Variants in FKBP3 observed in about 807,000 individuals in gnomAD.
FKBP3 encodes the protein FKBP prolyl isomerase 3.
A neutral mutation model predicts 30.6 loss-of-function variants in FKBP3; 21 were observed. The ratio of observed to expected loss-of-function variants is 0.69; its 90% CI spans 0.49 to 0.99. The LOEUF (loss-of-function observed/expected upper bound fraction) is 0.99, where lower values mean the gene tolerates loss of function less well. Ranked by LOEUF, FKBP3 falls within the 50% of genes least tolerant of loss-of-function variation. The pLI, the probability that FKBP3 is intolerant of heterozygous loss-of-function variation, is 0.00. For missense variants in FKBP3, 283 were observed against 261.6 expected (o/e 1.08, Z -0.56); for synonymous variants, 82 against 91.3 (o/e 0.90, Z 0.58).
Position 45,120,938 on chromosome 14 carries a change from T to TTTC in FKBP3, c.468_470dup (p.Lys157dup). 6.2e-7 allele frequency: 1 copy of TTTC among 1,613,194 alleles called. No homozygotes were observed. The highest frequency in any genetic ancestry group is 8.5e-7 in the Non-Finnish European group (1 of 1,179,706). On this transcript the variant is annotated inframe_insertion, in exon 5 of 7. Coordinates refer to ENST00000396062, the MANE Select transcript of FKBP3 (RefSeq NM_002013.4). ...CCTTAAAACTTAAAGGCTTGGCATT[T>TTTC]TTCTTCTTCTTTGCACCTGTAAAAC...
At chr14:45,123,812 G>T (rs1479624826) in intron 3 of FKBP3, among the ~76,000 whole-genome samples, 2 of 151,468 alleles carry the variant, frequency 1.3e-5, no homozygotes, top group Non-Finnish European at 2.9e-5. Flanking sequence ...TAGAGACGGG[G>T]TTTCACCATG....
chr14:45,119,462 G>A (rs1330152445), intron 5 of FKBP3, among the ~76,000 whole-genome samples: 4 of 151,842 alleles, frequency 2.6e-5, no homozygotes, highest in African/African-American at 7.3e-5. Context: ...CCAGCTATTC[G>A]GGAGGCTGAG....
chr14:45,125,015 C>T (rs1885067516), intron 3 of FKBP3, among the ~76,000 whole-genome samples: 1 of 152,170 alleles, frequency 6.6e-6, no homozygotes, highest in Non-Finnish European at 1.5e-5. Flanking sequence ...TTCCCGAGTT[C>T]AAGCAATTCT....
chr14:45,119,774 A>C (rs1884942453), intron 5 of FKBP3, among the ~76,000 whole-genome samples: 2 of 147,032 alleles, frequency 1.4e-5, no homozygotes, highest in African/African-American at 5.0e-5. Flanking sequence ...TACAACCTCC[A>C]CCTCCCAGGT....
intron 2 of FKBP3, among the ~76,000 whole-genome samples, 168 bp from the exon 3 acceptor site, chr14:45,130,069 G>C (rs1471969311): frequency 1.3e-5 from 2 of 152,142 alleles, no homozygotes; most frequent in African/African-American, 4.8e-5. Flanking sequence ...AAAGAATTTT[G>C]CTCATAATTT....
At chr14:45,126,822 T>C (rs1172004777) in intron 3 of FKBP3, among the ~76,000 whole-genome samples, 2 of 151,956 alleles carry the variant, frequency 1.3e-5, no homozygotes, top group East Asian at 2.0e-4. Flanking sequence ...TGTCTCTTTT[T>C]TTCTTTTTTT....
chr14:45,130,041 AG>A (rs1159188004), intron 2 of FKBP3, 140 bp from the exon 3 acceptor site: 1 of 467,892 alleles, frequency 2.1e-6, no homozygotes, highest in South Asian at 4.3e-5. Context: ...AAATGGTCTA[AG>A]GAAACGAAGA....
At chr14:45,124,349 G>C (rs1178255145) in intron 3 of FKBP3, among the ~76,000 whole-genome samples, 1 of 152,048 alleles carries the variant, frequency 6.6e-6, no homozygotes, top group East Asian at 1.9e-4. Context: ...TGGCCAACAT[G>C]GTGAAACCCT....
In FKBP3 at chr14:45,118,833, C is replaced by CA. The variant is rs1481261158; in HGVS notation, c.523-709dup. Among the ~76,000 whole-genome samples the CA allele has an allele frequency of 3.3e-5, 5 of 152,068 alleles. No homozygotes were observed. In the East Asian group the frequency reaches 9.6e-4, roughly 29 times the overall value. The stretch of plus-strand genomic sequence containing the variant: ...GATTACCAGATTGTAATAGTGGAGT[C>CA]ACGTTGGCACATAAAATACATTTTT... On this transcript the variant is annotated intron_variant, in intron 5 of 6. Transcript: ENST00000396062.
At chr14:45,121,348 T>G in intron 4 of FKBP3, 137 bp downstream of exon 4, 1 of 686,316 alleles carries the variant, frequency 1.5e-6, no homozygotes, top group Non-Finnish European at 2.4e-6. Context: ...CTCTTCCAAG[T>G]AGATCTTGGG....
intron 3 of FKBP3, among the ~76,000 whole-genome samples, chr14:45,122,919 G>C (rs536152247): frequency 5.9e-5 from 9 of 151,808 alleles, no homozygotes; most frequent in Non-Finnish European, 1.2e-4. Context: ...TGTGCTGGGT[G>C]CGGTGGCTCA....
intron 2 of FKBP3, 97 bp downstream of exon 2, chr14:45,130,602 C>T (rs947444947): frequency 1.5e-6 from 1 of 685,232 alleles, no homozygotes; most frequent in Non-Finnish European, 2.4e-6. Context: ...GGTGGAAAAG[C>T]TCCAACACAT....
intron 3 of FKBP3, among the ~76,000 whole-genome samples, chr14:45,128,645 G>A (rs573976544): frequency 2.0e-5 from 3 of 152,290 alleles, no homozygotes; most frequent in African/African-American, 4.8e-5. Flanking sequence ...AATGTAGGAC[G>A]CTAGGAAAAC....
intron 3 of FKBP3, among the ~76,000 whole-genome samples, chr14:45,128,854 CTA>C (rs1885156605): frequency 6.6e-6 from 1 of 152,154 alleles, no homozygotes; most frequent in African/African-American, 2.4e-5. Flanking sequence ...GGAGGGTGAA[CTA>C]TGTTGCCAGT....
chr14:45,121,550 A>G lies in FKBP3; in HGVS notation c.389T>C (p.Val130Ala), dbSNP rs766482265. ...TGTTCCTGTATACCAGCAGTGAACAACATCTCCCTTTTTGGGAAAGTTGGT... is the reference window on the plus strand; with the variant it reads ...TGTTCCTGTATACCAGCAGTGAACAGCATCTCCCTTTTTGGGAAAGTTGGT... ...DKTNFPKKGD[V>A]VHCWYTGTLQ... Residue 130 changes from valine (V) to alanine (A), a missense_variant, in exon 4 of 7, where the codon GTT becomes GCT. Val to Ala is a moderately conservative substitution (Grantham distance 64). Transcript: ENST00000396062. 2 of 1,613,752 alleles carry G rather than the reference A, an allele frequency of 1.2e-6. No individual in the cohort carries two copies. Among genetic ancestry groups the G allele is most frequent in the Non-Finnish European group, 8.5e-7 (1 of 1,179,726 alleles).
intron 1 of FKBP3, among the ~76,000 whole-genome samples, chr14:45,132,917 T>C (rs919542877): frequency 1.3e-5 from 2 of 152,180 alleles, no homozygotes; most frequent in Non-Finnish European, 2.9e-5. Flanking sequence ...TATTCTATTG[T>C]TTCAGATGAA....
chr14:45,125,791 A>C lies in FKBP3; in HGVS notation c.318+4003T>G, dbSNP rs535651596. On this transcript the variant is annotated intron_variant, in intron 3 of 6. Transcript: ENST00000396062. ...AGCTGGGTCTTAAAGGGAGCACAGAAGTGACAAATAGGGATAGTAAAAGGA... is the reference window on the plus strand; with the variant it reads ...AGCTGGGTCTTAAAGGGAGCACAGACGTGACAAATAGGGATAGTAAAAGGA... Among the ~76,000 whole-genome samples the C allele has an allele frequency of 2.1e-4, 32 of 152,302 alleles. No individual in the cohort carries two copies. In the South Asian group the frequency reaches 5.0e-3, roughly 24 times the overall value.
chr14:45,120,575 G>A (rs1268642855), intron 5 of FKBP3, among the ~76,000 whole-genome samples: 1 of 152,150 alleles, frequency 6.6e-6, no homozygotes, highest in Non-Finnish European at 1.5e-5. Flanking sequence ...CTTACTTTAT[G>A]AAGAAAAATA....
chr14:45,116,769 T>C (rs1167536374), intron 6 of FKBP3, among the ~76,000 whole-genome samples: 2 of 151,878 alleles, frequency 1.3e-5, no homozygotes, highest in Non-Finnish European at 2.9e-5. Context: ...GGCAGGAGAA[T>C]TGCTTGAGCC....
Sources: gnomAD v4.1 joint callset for allele counts (sites outside exome capture counted in the v4.1 genomes callset) on GRCh38, gnomAD v4.1.1 for gene constraint, MANE v1.5 for transcripts, NCBI Gene and HGNC (gene_info 2026-07-23, HGNC 2026-07-21) for gene names.